FLG: variants seen among roughly 807,000 people sequenced by gnomAD.
FLG encodes epidermal filaggrin.
In FLG, 6 loss-of-function variants were observed where a neutral mutation model predicts 3.8. The observed-to-expected ratio is 1.60, with a 90% confidence interval of 0.87 to 3.15. FLG has a LOEUF of 3.15. FLG is among the 30% of genes most tolerant of loss of function. The pLI is 0.00. For missense variants in FLG, 7,595 were observed against 5,050.9 expected, an observed-to-expected ratio of 1.50 and a Z score of -15.27; for synonymous variants, 2,551 against 1,931.6, an observed-to-expected ratio of 1.32 and a Z score of -8.41.
chr1:152,312,885 T>C lies in FLG; in HGVS notation c.2001A>G (p.Arg667=), dbSNP rs1652562186. 6.2e-7 allele frequency: 1 copy of C among 1,614,060 alleles called. No homozygotes were observed. The highest frequency in any genetic ancestry group is 8.5e-7 in the Non-Finnish European group (1 of 1,180,032). ...SRHPRSHHED[R]AGHGHSADSS... Reference sequence around the variant, plus strand: ...TGTCTGCAGAGTGCCCATGACCAGCTCTGTCTTCGTGATGGGACCTGGGGT... The same window carrying C: ...TGTCTGCAGAGTGCCCATGACCAGCCCTGTCTTCGTGATGGGACCTGGGGT... Residue 667 remains arginine (R), a synonymous_variant, in exon 3 of 3, where the codon AGA becomes AGG. Coordinates refer to ENST00000368799, the MANE Select transcript of FLG (RefSeq NM_002016.2).
At position 152,319,321 on chromosome 1, in the gene FLG, T is replaced by C. The variant is rs913805073; in HGVS notation, c.-21-3844A>G. On this transcript the variant is annotated intron_variant, in intron 1 of 2. Coordinates refer to ENST00000368799, the MANE Select transcript of FLG (RefSeq NM_002016.2). ...TACAACTAGAAAATGTGTGTGTGTG[T>C]GTGTGTGTGTGTGTGTGTGTTTGAA... Among the ~76,000 whole-genome samples, 12 of 151,340 alleles carry C rather than the reference T, an allele frequency of 7.9e-5. No homozygotes were observed. In the East Asian group the frequency reaches 2.3e-3, roughly 29 times the overall value.
rs776056579 is a variant in FLG, at chr1:152,304,528, G to A, written c.10358C>T (p.Ser3453Leu). 41 of 1,612,174 alleles carry A rather than the reference G, an allele frequency of 2.5e-5. No homozygotes were observed. Among genetic ancestry groups the A allele is most frequent in the East Asian group, 1.3e-4 (6 of 44,630 alleles). Residue 3453 changes from serine (S) to leucine (L), a missense_variant, in exon 3 of 3, where the codon TCG (serine) becomes TTG (leucine). Ser to Leu is a moderately radical substitution (Grantham distance 145). Coordinates refer to ENST00000368799, the MANE Select transcript of FLG (RefSeq NM_002016.2). ...RGRQGSHYEQ[S>L]VDRSGHSGSH... The stretch of plus-strand genomic sequence containing the variant: ...CCCTGAGTGTCCAGACCTATCTACC[G>A]ATTGCTCGTAGTGGGATCCCTGCCT...
In FLG at chr1:152,304,142, G is replaced by A; in HGVS notation, c.10744C>T (p.His3582Tyr). ...RDGSRHPTSH[H>Y]EDRAGHGHSA... is the part of the protein sequence containing the mutation. Reference sequence around the variant, plus strand: ...TGCCCGTGACCGGCTCTGTCTTCGTGATGGGACGTGGGGTGTCTGGAGCCA... The same window carrying A: ...TGCCCGTGACCGGCTCTGTCTTCGTAATGGGACGTGGGGTGTCTGGAGCCA... The change falls in exon 3 of 3, where the codon CAC (histidine) becomes TAC (tyrosine). Residue 3582 changes from histidine (H) to tyrosine (Y), a missense_variant. By Grantham distance (83) the His-to-Tyr change is moderately conservative. Coordinates refer to ENST00000368799, the MANE Select transcript of FLG (RefSeq NM_002016.2). The A allele has an allele frequency of 2.5e-6, 4 of 1,600,264 alleles. No homozygotes were observed. Among genetic ancestry groups the A allele is most frequent in the Non-Finnish European group, 3.4e-6 (4 of 1,176,292 alleles).
chr1:152,302,970 TAA>T lies in FLG; in HGVS notation c.11914_11915del (p.Leu3972SerfsTer9). On this transcript the variant is annotated frameshift_variant, in exon 3 of 3. Transcript: ENST00000368799. LOFTEE classifies it low-confidence loss of function (END_TRUNC). ...TACCATAGCTGCCATGTCTCCAAAC[TAA>T]ACCTGATTGACCTTTTTGCCTTTCA... ...GTERQKGQSG[L>X]VWRHGSYGSA... 6.2e-7 allele frequency: 1 copy of T among 1,614,208 alleles called. No homozygotes were observed. The highest frequency in any genetic ancestry group is 8.5e-7 in the Non-Finnish European group (1 of 1,180,032).
Position 152,310,725 on chromosome 1 carries a change from G to T in FLG, c.4161C>A (p.His1387Gln), listed in dbSNP as rs1652346811. 8.1e-6 allele frequency: 13 copies of T among 1,614,054 alleles called. No homozygotes were observed. In the Middle Eastern group the frequency reaches 4.9e-4, roughly 61 times the overall value. Reference protein sequence around the residue: ...QASSAVRDSGHRGSSGSQVTN... With the variant: ...QASSAVRDSGQRGSSGSQVTN... ...TGACCTGACTACCACTGGACCCTCG[G>T]TGTCCACTGTCTCTGACTGCAGATG... The change falls in exon 3 of 3, where the codon CAC becomes CAA. Residue 1387 changes from histidine to glutamine, a missense_variant. Coordinates refer to ENST00000368799, the MANE Select transcript of FLG (RefSeq NM_002016.2).
rs371013976 is a variant in FLG at position 152,310,778 on chromosome 1, G to A, written c.4108C>T (p.His1370Tyr). Residue 1370 changes from histidine (H) to tyrosine (Y), a missense_variant, in exon 3 of 3, where the codon CAC becomes TAC. By Grantham distance (83) the His-to-Tyr change is moderately conservative. Coordinates refer to ENST00000368799, the MANE Select transcript of FLG (RefSeq NM_002016.2). ...GCTTGTCTGTGCCCAATGCCTGAGT[G>A]TCTGGAGCTGTCTGCTGACTGCTGG... is the stretch of plus-strand genomic sequence containing the variant. ...RHQQSADSSR[H>Y]SGIGHRQASS... 64 of 1,611,826 alleles carry A rather than the reference G, an allele frequency of 4.0e-5. No individual in the cohort carries two copies. Among genetic ancestry groups the A allele is most frequent in the Middle Eastern group, 3.3e-4 (2 of 6,052 alleles).
Position 152,307,206 on chromosome 1 carries a change from G to T in FLG, c.7680C>A (p.Ser2560Arg). Residue 2560 changes from serine to arginine, a missense_variant, in exon 3 of 3, where the codon AGC becomes AGA. Physicochemically the swap from Ser to Arg is moderately radical, Grantham distance 110. Coordinates refer to ENST00000368799, the MANE Select transcript of FLG (RefSeq NM_002016.2). ...GGCTAAAACTGGATCCCCAGTTCCT[G>T]CTTGTCCTGGGCCCCTCTGATTGTC... Reference protein sequence around the residue: ...GQGQSEGPRTSRNWGSSFSQD... With the variant: ...GQGQSEGPRTRRNWGSSFSQD... 2 of 1,612,826 alleles carry T rather than the reference G, an allele frequency of 1.2e-6. No individual in the cohort carries two copies. Among genetic ancestry groups the T allele is most frequent in the Non-Finnish European group, 1.7e-6 (2 of 1,180,004 alleles).
Position 152,303,954 on chromosome 1 carries a change from G to A in FLG, c.10932C>T (p.His3644=), listed in dbSNP as rs369652769. The A allele has an allele frequency of 1.2e-4, 193 of 1,613,802 alleles. 1 individual carries two copies. Among genetic ancestry groups the A allele is most frequent in the Middle Eastern group, 3.3e-4 (2 of 6,062 alleles). ...ADSSRHSGIG[H]GQASSAVRDS... ...CTCTGACTGCAGATGAAGCTTGTCCGTGCCCAATGCCTGAGTGTCTGGAGC... is the reference window on the plus strand; with the variant it reads ...CTCTGACTGCAGATGAAGCTTGTCCATGCCCAATGCCTGAGTGTCTGGAGC... Residue 3644 remains histidine (H), a synonymous_variant, in exon 3 of 3, where the codon CAC becomes CAT. Transcript: ENST00000368799.
At chr1:152,316,077 G>A (rs1322600206) in intron 1 of FLG, among the ~76,000 whole-genome samples, 1 of 152,084 alleles carries the variant, frequency 6.6e-6, no homozygotes, top group African/African-American at 2.4e-5. Context: ...GCCATTTAAG[G>A]AATGTTCAGT....
In FLG at chr1:152,310,858, A is replaced by G. The variant is rs781430978; in HGVS notation, c.4028T>C (p.Val1343Ala). The G allele has an allele frequency of 1.9e-5, 30 of 1,613,584 alleles. No individual in the cohort carries two copies. Among genetic ancestry groups the G allele is most frequent in the African/African-American group, 1.5e-4 (11 of 74,844 alleles). ...HTESSSHGQA[V>A]SSHEQARSSP... ...TGATCTTGCCTGTTCATGGGATGAC[A>G]CAGCCTGTCCATGAGAGGAAGACTC... The change falls in exon 3 of 3, where the codon GTG becomes GCG. Residue 1343 changes from valine to alanine, a missense_variant. Physicochemically the swap from Val to Ala is moderately conservative, Grantham distance 64 (BLOSUM62 0). Coordinates refer to ENST00000368799, the MANE Select transcript of FLG (RefSeq NM_002016.2).
Position 152,308,167 on chromosome 1 carries a change from C to A in FLG, c.6719G>T (p.Gly2240Val), listed in dbSNP as rs761902710. ...GTCACTGTCCTGGCTAACACTGGAT[C>A]CCCGGGGCCTGCTTGTCCTGGGCCC... ...SSGPRTSRPR[G>V]SSVSQDSDSE... Residue 2240 changes from glycine to valine, a missense_variant, in exon 3 of 3, where the codon GGA becomes GTA. Coordinates refer to ENST00000368799, the MANE Select transcript of FLG (RefSeq NM_002016.2). The A allele has an allele frequency of 1.2e-6, 2 of 1,613,954 alleles. No individual in the cohort carries two copies. The highest frequency in any genetic ancestry group is 1.1e-5 in the South Asian group (1 of 91,054).
At position 152,308,111 on chromosome 1, in the gene FLG, G is replaced by A. The variant is rs3126076; in HGVS notation, c.6775C>T (p.Arg2259Trp). Reference sequence around the variant, plus strand: ...TGGTTTCTGGACGCAGACCCAGACCGCCTCTCAGAATCTTCTGAGTGTCCC... The same window carrying A: ...TGGTTTCTGGACGCAGACCCAGACCACCTCTCAGAATCTTCTGAGTGTCCC... ...SEGHSEDSER[R>W]SGSASRNHHG... The change falls in exon 3 of 3, where the codon CGG becomes TGG. Residue 2259 changes from arginine (R) to tryptophan (W), a missense_variant. Transcript: ENST00000368799. 6.4e-5 allele frequency: 104 copies of A among 1,613,852 alleles called. No homozygotes were observed. Among genetic ancestry groups the A allele is most frequent in the Admixed American group, 2.0e-4 (12 of 60,002 alleles).
At position 152,312,672 on chromosome 1, in the gene FLG, T is replaced by A. The variant is rs765655644; in HGVS notation, c.2214A>T (p.Gly738=). 3.7e-6 allele frequency: 6 copies of A among 1,613,814 alleles called. No individual in the cohort carries two copies. In the East Asian group the frequency reaches 8.9e-5, roughly 24 times the overall value. ...CCTGACTACCACTGGACCCTCGGTG[T>A]CCACTGTCTCTGACTGCAGATGAAG... ...GQASSAVRDS[G]HRGSSGSQAT... is the part of the protein sequence containing the mutation. The change falls in exon 3 of 3, where the codon GGA becomes GGT. Residue 738 remains glycine, a synonymous_variant. Transcript: ENST00000368799.
At position 152,309,180 on chromosome 1, in the gene FLG, C is replaced by T. The variant is rs554961236; in HGVS notation, c.5706G>A (p.Gln1902=). The T allele has an allele frequency of 2.5e-6, 4 of 1,613,748 alleles. No individual in the cohort carries two copies. Among genetic ancestry groups the T allele is most frequent in the Non-Finnish European group, 3.4e-6 (4 of 1,179,930 alleles). ...TTGTCCTGGGCCCTGATGATTGTCCCTGGCCCACCTGCGAGTGTCTAGAGC... is the reference window on the plus strand; with the variant it reads ...TTGTCCTGGGCCCTGATGATTGTCCTTGGCCCACCTGCGAGTGTCTAGAGC... The part of the protein sequence containing the change: ...ADSSRHSQVG[Q]GQSSGPRTSR... Residue 1902 remains glutamine, a synonymous_variant, in exon 3 of 3, where the codon CAG becomes CAA. Transcript: ENST00000368799.
In FLG at chr1:152,311,908, G is replaced by T. The variant is rs1347248170; in HGVS notation, c.2978C>A (p.Ala993Asp). The T allele has an allele frequency of 3.7e-6, 6 of 1,614,016 alleles. No individual in the cohort carries two copies. Among genetic ancestry groups the T allele is most frequent in the Admixed American group, 3.3e-5 (2 of 59,998 alleles). ...RHPRSHHEDR[A>D]GHGHSADSSR... ...GCTGTCTGCAGAGTGCCCGTGACCG[G>T]CTCTGTCTTCGTGATGGGACCTGGG... The change falls in exon 3 of 3, where the codon GCC becomes GAC. Residue 993 changes from alanine to aspartate, a missense_variant. Ala to Asp is a moderately radical substitution (Grantham distance 126). Coordinates refer to ENST00000368799, the MANE Select transcript of FLG (RefSeq NM_002016.2).
Position 152,312,689 on chromosome 1 carries a change from C to T in FLG, c.2197G>A (p.Ala733Thr), listed in dbSNP as rs757077205. The change falls in exon 3 of 3, where the codon GCA becomes ACA. Residue 733 changes from alanine (A) to threonine (T), a missense_variant. Coordinates refer to ENST00000368799, the MANE Select transcript of FLG (RefSeq NM_002016.2). ...CCTCGGTGTCCACTGTCTCTGACTG[C>T]AGATGAAGCTTGTCCGTGCCCAGTG... ...SGTGHGQASS[A>T]VRDSGHRGSS... 38 of 1,613,896 alleles carry T rather than the reference C, an allele frequency of 2.4e-5. No individual in the cohort carries two copies. In the East Asian group the frequency reaches 7.8e-4, roughly 33 times the overall value.
At position 152,307,854 on chromosome 1, in the gene FLG, T is replaced by A. The variant is rs368784083; in HGVS notation, c.7032A>T (p.Ser2344=). The A allele has an allele frequency of 6.2e-5, 100 of 1,613,396 alleles. No homozygotes were observed. In the African/African-American group the frequency reaches 1.1e-3, roughly 18 times the overall value. Residue 2344 remains serine (S), a synonymous_variant, in exon 3 of 3, where the codon TCA becomes TCT. Coordinates refer to ENST00000368799, the MANE Select transcript of FLG (RefSeq NM_002016.2). The stretch of plus-strand genomic sequence containing the variant: ...ATGAAGCTTGTCCGTGCCCAATGCC[T>A]GAGTGTCTGGAGCTGTCTGCTGACT... The part of the protein sequence containing the change: ...HQQSADSSRH[S]GIGHGQASSA...
Position 152,312,585 on chromosome 1 carries a change from C to G in FLG, c.2301G>C (p.Gln767His). 1.2e-6 allele frequency: 2 copies of G among 1,613,772 alleles called. No homozygotes were observed. The highest frequency in any genetic ancestry group is 1.7e-6 in the Non-Finnish European group (2 of 1,179,964). ...GGTGGCTCTGCTGATGGTGACCAGC[C>G]TGTCCATGGCCTGACACTGACTGTG... is the stretch of plus-strand genomic sequence containing the variant. ...SDTQSVSGHG[Q>H]AGHHQQSHQE... The change falls in exon 3 of 3, where the codon CAG (glutamine) becomes CAC (histidine). Residue 767 changes from glutamine to histidine, a missense_variant. Coordinates refer to ENST00000368799, the MANE Select transcript of FLG (RefSeq NM_002016.2).
rs1393830753 is a variant in FLG at position 152,313,840 on chromosome 1, G to T, written c.1046C>A (p.Ser349Tyr). 1.4e-5 allele frequency: 22 copies of T among 1,614,058 alleles called. No individual in the cohort carries two copies. The highest frequency in any genetic ancestry group is 1.6e-4 in the Middle Eastern group (1 of 6,084). ...HDEDRASHGH[S>Y]ADSSRQSGTR... The stretch of plus-strand genomic sequence containing the variant: ...GCCTGATTGTCTGGAGCTGTCTGCA[G>T]AGTGCCCATGACTGGCTCTGTCTTC... Residue 349 changes from serine (S) to tyrosine (Y), a missense_variant, in exon 3 of 3, where the codon TCT becomes TAT. Coordinates refer to ENST00000368799, the MANE Select transcript of FLG (RefSeq NM_002016.2).
Sources: allele counts gnomAD v4.1 joint callset (sites outside exome capture counted in the v4.1 genomes callset), GRCh38; gene constraint gnomAD v4.1.1; transcripts MANE v1.5; gene names NCBI Gene and HGNC (gene_info 2026-07-23, HGNC 2026-07-21).